Variants in NFASC observed in about 807,000 individuals in gnomAD.
NFASC encodes the protein neurofascin homolog.
A neutral mutation model predicts 147.5 loss-of-function variants in NFASC; 43 were observed. The observed-to-expected ratio is 0.29, with a 90% CI of 0.23 to 0.38. The LOEUF is 0.38. Among genes scored for constraint, NFASC ranks in the 10% least tolerant of loss-of-function variants. The pLI, the probability that NFASC is intolerant of heterozygous loss-of-function variation, is 1.00. For missense variants in NFASC, 1,320 were observed against 1,689.0 expected (o/e 0.78, Z 3.83); for synonymous variants, 622 against 665.5 (o/e 0.93, Z 1.01).
intron 25 of NFASC, 84 bp from the exon 26 acceptor site, chr1:205,001,086 C>T: frequency 2.5e-6 from 2 of 796,560 alleles, no homozygotes; most frequent in Non-Finnish European, 4.4e-6. Context: ...CGTGCATGCA[C>T]ACGCTTGTGT....
In NFASC at chr1:204,957,728, T is replaced by G; in HGVS notation, c.608T>G (p.Met203Arg). 6.2e-7 allele frequency: 1 copy of G among 1,614,198 alleles called. No homozygotes were observed. The highest frequency in any genetic ancestry group is 8.5e-7 in the Non-Finnish European group (1 of 1,180,022). ...GGAGACCTATACTTCTCCAACGTGA[T>G]GCTGCAGGACATGCAGACCGACTAC... is the stretch of plus-strand genomic sequence containing the variant. ...HNGDLYFSNV[M>R]LQDMQTDYSC... Residue 203 changes from methionine to arginine, a missense_variant, in exon 8 of 30, where the codon ATG (methionine) becomes AGG (arginine). Physicochemically the swap from Met to Arg is moderately conservative, Grantham distance 91. This residue lies in a region of NFASC where 981 missense variants were observed against 1,289.5 expected (regional missense o/e 0.76). Transcript: ENST00000339876.
chr1:204,880,587 C>A (rs570309474), intron 1 of NFASC, among the ~76,000 whole-genome samples: 1 of 152,242 alleles, frequency 6.6e-6, no homozygotes, highest in South Asian at 2.1e-4. Flanking sequence ...GATCTCCTGA[C>A]GTGCTGCACC....
chr1:204,843,767 G>T (rs555962772), intron 1 of NFASC, among the ~76,000 whole-genome samples: 1 of 151,658 alleles, frequency 6.6e-6, no homozygotes, highest in Non-Finnish European at 1.5e-5. Context: ...AGTGCAAAGG[G>T]GTGATCTCGG....
Position 204,895,608 on chromosome 1 carries a change from C to T in NFASC, c.-199-25024C>T, listed in dbSNP as rs139991849. Among the ~76,000 whole-genome samples the T allele has an allele frequency of 7.7e-4, 118 of 152,320 alleles. 1 individual carries two copies. Among genetic ancestry groups the T allele is most frequent in the South Asian group, 5.0e-3 (24 of 4,826 alleles). ...CAGGATTTCAGCTTACAAAGATGGG[C>T]TTTAAGATGTGATCTCCAGAAATGC... On this transcript the variant is annotated intron_variant, in intron 1 of 29. Coordinates refer to ENST00000339876, the MANE Select transcript of NFASC (RefSeq NM_001005388.3).
At position 205,015,444 on chromosome 1, in the gene NFASC, G is replaced by A. The variant is rs2802847; in HGVS notation, c.3492-864G>A. On this transcript the variant is annotated intron_variant, in intron 29 of 29. Transcript: ENST00000339876. The surrounding 1 kb of genome is among the most constrained non-coding windows in gnomAD (Gnocchi z 4.0). ...GAAGGGACATGGTGCCTGAACAGACGCTGGCTCAGAGAGCAGCCCCGCGCC... is the reference window on the plus strand; with the variant it reads ...GAAGGGACATGGTGCCTGAACAGACACTGGCTCAGAGAGCAGCCCCGCGCC... 0.47 allele frequency among the ~76,000 whole-genome samples: 71,942 copies of A among 152,084 alleles called. 19,897 individuals are homozygous for A. The highest frequency in any genetic ancestry group is 0.64 in the Non-Finnish European group (43,707 of 67,962).
intron 1 of NFASC, among the ~76,000 whole-genome samples, chr1:204,900,117 T>C (rs2084232952): frequency 6.6e-6 from 1 of 152,102 alleles, no homozygotes; most frequent in South Asian, 2.1e-4. Flanking sequence ...TTGTTGATAA[T>C]ATTGAAAAAA....
intron 1 of NFASC, among the ~76,000 whole-genome samples, chr1:204,899,732 A>G (rs1487225623): frequency 1.3e-5 from 2 of 152,226 alleles, no homozygotes; most frequent in African/African-American, 4.8e-5. Flanking sequence ...CCCACAAATG[A>G]CTTACATATC....
chr1:204,886,982 G>A (rs2081416920), intron 1 of NFASC, among the ~76,000 whole-genome samples: 1 of 151,848 alleles, frequency 6.6e-6, no homozygotes, highest in Non-Finnish European at 1.5e-5. Context: ...AAAAAAAATT[G>A]TGATAAAATA....
In NFASC at chr1:204,979,690, CAG is replaced by C; in HGVS notation, c.2176+136_2176+137del. ...CCAAGGCCCGGCCTCATCTGTGAGG[CAG>C]AGAGTAATAATAACACCTACATCAC... is the stretch of plus-strand genomic sequence containing the variant. On this transcript the variant is annotated intron_variant, in intron 19 of 29. Coordinates refer to ENST00000339876, the MANE Select transcript of NFASC (RefSeq NM_001005388.3). The surrounding 1 kb of genome is among the most constrained non-coding windows in gnomAD (Gnocchi z 6.0). The C allele has an allele frequency of 2.5e-6, 2 of 799,136 alleles. No homozygotes were observed. Among genetic ancestry groups the C allele is most frequent in the Non-Finnish European group, 4.3e-6 (2 of 463,746 alleles). 49.5% of individuals were successfully genotyped at this position (799,136 alleles called of 1,614,324 possible).
chr1:204,892,213 A>G (rs1403418028), intron 1 of NFASC, among the ~76,000 whole-genome samples: 1 of 152,200 alleles, frequency 6.6e-6, no homozygotes, highest in African/African-American at 2.4e-5. Flanking sequence ...ACCCTTCTTT[A>G]TCCACCTTGA....
At chr1:204,966,033 G>A (rs1201807443) in intron 8 of NFASC, among the ~76,000 whole-genome samples, 3 of 152,218 alleles carry the variant, frequency 2.0e-5, no homozygotes, top group South Asian at 2.1e-4. Flanking sequence ...CCTAGCAAAC[G>A]TTCACTGAAT....
At chr1:204,972,961 T>C (rs980458656) in intron 11 of NFASC, among the ~76,000 whole-genome samples, 2 of 152,236 alleles carry the variant, frequency 1.3e-5, no homozygotes, top group Non-Finnish European at 2.9e-5. Context: ...GGAAGTGATG[T>C]GGTTAGAACC....
chr1:204,834,606 G>A lies in NFASC; in HGVS notation c.-200+5824G>A, dbSNP rs79711485. On this transcript the variant is annotated intron_variant, in intron 1 of 29. Coordinates refer to ENST00000339876, the MANE Select transcript of NFASC (RefSeq NM_001005388.3). ...CCTGGCAGCCCCTCTCCCCGTTATTGTGATGCTAATCATGTTGTTATTTTT... is the reference window on the plus strand; with the variant it reads ...CCTGGCAGCCCCTCTCCCCGTTATTATGATGCTAATCATGTTGTTATTTTT... Among the ~76,000 whole-genome samples the A allele has an allele frequency of 7.1e-3, 1,080 of 152,208 alleles. 23 individuals carry two copies. Among genetic ancestry groups the A allele is most frequent in the African/African-American group, 0.025 (1,034 of 41,514 alleles).
chr1:204,861,590 C>T (rs996717473), intron 1 of NFASC, among the ~76,000 whole-genome samples: 5 of 152,114 alleles, frequency 3.3e-5, no homozygotes, highest in Admixed American at 6.5e-5. Context: ...TCAGGGTTCA[C>T]GCCATTCTCC....
chr1:204,972,276 C>G (rs1281479773), intron 11 of NFASC, among the ~76,000 whole-genome samples: 2 of 152,186 alleles, frequency 1.3e-5, no homozygotes, highest in Admixed American at 6.5e-5. Context: ...TCATCAGCTT[C>G]CTAGTCCAGA....
intron 27 of NFASC, among the ~76,000 whole-genome samples, chr1:205,004,086 G>A (rs1399758512): frequency 6.6e-6 from 1 of 152,258 alleles, no homozygotes; most frequent in Non-Finnish European, 1.5e-5. Context: ...GCTCAGATGA[G>A]GTCCCAAGCT....
intron 2 of NFASC, among the ~76,000 whole-genome samples, chr1:204,926,636 A>T (rs1201226365): frequency 1.3e-5 from 2 of 148,306 alleles, no homozygotes; most frequent in African/African-American, 2.5e-5. Context: ...CTGGTCTTGA[A>T]CTCCTAGACT....
At chr1:204,995,508 G>A (rs955825063) in intron 24 of NFASC, among the ~76,000 whole-genome samples, 2 of 152,030 alleles carry the variant, frequency 1.3e-5, no homozygotes, top group Non-Finnish European at 2.9e-5. Context: ...CCCTCCGCAC[G>A]CCGCCCTGAT....
chr1:204,985,292 G>A (rs190061552), intron 21 of NFASC, among the ~76,000 whole-genome samples: 72 of 152,176 alleles, frequency 4.7e-4, no homozygotes, highest in Non-Finnish European at 9.0e-4. Flanking sequence ...TCCCATCCAA[G>A]CTCTGCTACC....
Sources: gnomAD v4.1 joint callset for allele counts (sites outside exome capture counted in the v4.1 genomes callset) on GRCh38, gnomAD v4.1.1 for gene constraint, gnomAD v4.1.1 regional missense constraint, Gnocchi (gnomAD v3.1) non-coding constraint, MANE v1.5 for transcripts, NCBI Gene and HGNC (gene_info 2026-07-23, HGNC 2026-07-21) for gene names.